The following PCDHGB2 variants were observed in gnomAD, a reference collection of about 807,000 sequenced individuals.
PCDHGB2 encodes protocadherin gamma-B2.
A neutral mutation model predicts 59.3 loss-of-function variants in PCDHGB2; 55 were observed. The ratio of observed to expected loss-of-function variants is 0.93; its 90% confidence interval spans 0.75 to 1.16. The LOEUF (loss-of-function observed/expected upper bound fraction) is 1.16. Among genes scored for constraint, PCDHGB2 ranks in the 50% most tolerant of loss-of-function variants. The pLI, the probability that PCDHGB2 is intolerant of heterozygous loss-of-function variation, is 0.00. For missense variants in PCDHGB2, 1,228 were observed against 1,198.5 expected, an observed-to-expected ratio of 1.02 and a Z score of -0.36; for synonymous variants, 516 against 512.0, an observed-to-expected ratio of 1.01 and a Z score of -0.11.
At chr5:141,367,154 T>A (rs1764978094) in intron 1 of PCDHGB2, 1 of 162,130 alleles carries the variant, frequency 6.2e-6, no homozygotes, top group African/African-American at 2.4e-5. Flanking sequence ...ATAGGACTGA[T>A]ATTTTAGTCT....
chr5:141,490,030 C>G lies in PCDHGB2; in HGVS notation c.2422-4777C>G, dbSNP rs1361758608. The G allele has an allele frequency of 1.2e-6, 2 of 1,614,150 alleles. No individual in the cohort carries two copies. Among genetic ancestry groups the G allele is most frequent in the African/African-American group, 2.7e-5 (2 of 74,936 alleles). The stretch of plus-strand genomic sequence containing the variant: ...ACCCATTGGTACTCTGCTGCTCCGC[C>G]TCAATGCCACTGATCCAGACGAGGG... On this transcript the variant is annotated intron_variant, in intron 1 of 3. Coordinates refer to ENST00000522605, the MANE Select transcript of PCDHGB2 (RefSeq NM_018923.3). This position sits in a 1 kb window ranked among gnomAD's most constrained non-coding sequence, Gnocchi z 5.4.
chr5:141,410,826 G>T, intron 1 of PCDHGB2: 4 of 379,152 alleles, frequency 1.1e-5, no homozygotes, highest in Non-Finnish European at 9.0e-6. Flanking sequence ...AATGTCACCA[G>T]ACTGAAGATA....
rs750920407 is a variant in PCDHGB2 at position 141,361,795 on chromosome 5, G to A, written c.1660G>A (p.Asp554Asn). The change falls in exon 1 of 4, where the codon GAC becomes AAC. Residue 554 changes from aspartate to asparagine, a missense_variant. Physicochemically the swap from Asp to Asn is conservative, Grantham distance 23. Transcript: ENST00000522605. Reference sequence around the variant, plus strand: ...CGTGAGCCTGCGCGTGTTAGTGGGCGACCTCAATGACAATGCGCCACGGGT... The same window carrying A: ...CGTGAGCCTGCGCGTGTTAGTGGGCAACCTCAATGACAATGCGCCACGGGT... Reference protein sequence around the residue: ...ANVSLRVLVGDLNDNAPRVLY... With the variant: ...ANVSLRVLVGNLNDNAPRVLY... 2 of 1,613,220 alleles carry A rather than the reference G, an allele frequency of 1.2e-6. No homozygotes were observed. The highest frequency in any genetic ancestry group is 2.2e-5 in the East Asian group (1 of 44,876).
chr5:141,364,612 G>C (rs1260914671), intron 1 of PCDHGB2: 7 of 1,614,178 alleles, frequency 4.3e-6, no homozygotes, highest in Non-Finnish European at 5.9e-6. Context: ...ACCGGGAGGA[G>C]CTCTGCGCTC....
At chr5:141,442,837 A>C (rs2098346617) in intron 1 of PCDHGB2, among the ~76,000 whole-genome samples, 1 of 152,202 alleles carries the variant, frequency 6.6e-6, no homozygotes, top group South Asian at 2.1e-4. Flanking sequence ...GGGAGGGACA[A>C]ATCTTGGCCA....
chr5:141,371,310 G>T, intron 1 of PCDHGB2: 2 of 1,613,992 alleles, frequency 1.2e-6, no homozygotes, highest in Non-Finnish European at 1.7e-6. Flanking sequence ...CACTATTGGA[G>T]AACTGGACTT....
intron 1 of PCDHGB2, chr5:141,393,048 C>A (rs745354934): frequency 3.7e-6 from 6 of 1,613,672 alleles, no homozygotes; most frequent in Non-Finnish European, 5.1e-6. Flanking sequence ...TGCTCTGAAC[C>A]CGCGCAGCGG....
chr5:141,487,529 A>G lies in PCDHGB2; in HGVS notation c.2422-7278A>G, dbSNP rs772843725. ...TGCACCCACTCGGAGTGATAGCTTCATGATGGTGAAGTCACCCAGTGCACC... is the reference window on the plus strand; with the variant it reads ...TGCACCCACTCGGAGTGATAGCTTCGTGATGGTGAAGTCACCCAGTGCACC... On this transcript the variant is annotated intron_variant, in intron 1 of 3. Coordinates refer to ENST00000522605, the MANE Select transcript of PCDHGB2 (RefSeq NM_018923.3). The surrounding 1 kb of genome is among the most constrained non-coding windows in gnomAD (Gnocchi z 5.0). The G allele has an allele frequency of 2.0e-5, 32 of 1,614,168 alleles. No individual in the cohort carries two copies. Among genetic ancestry groups the G allele is most frequent in the Non-Finnish European group, 2.5e-5 (29 of 1,180,040 alleles).
intron 1 of PCDHGB2, chr5:141,404,926 C>CA (rs765817542): frequency 1.2e-6 from 2 of 1,613,884 alleles, no homozygotes; most frequent in Non-Finnish European, 1.7e-6. Context: ...CGGCCACTGT[C>CA]ACGCTCACAG....
At chr5:141,383,712 G>A (rs895145051) in intron 1 of PCDHGB2, 2 of 1,613,970 alleles carry the variant, frequency 1.2e-6, no homozygotes, top group African/African-American at 2.7e-5. Flanking sequence ...ACCTGGACGA[G>A]GGAGTCAATG....
chr5:141,362,234 C>T lies in PCDHGB2; in HGVS notation c.2099C>T (p.Ser700Leu). The T allele has an allele frequency of 6.2e-7, 1 of 1,614,040 alleles. No individual in the cohort carries two copies. The highest frequency in any genetic ancestry group is 8.5e-7 in the Non-Finnish European group (1 of 1,179,908). ...FYLVVALALI[S>L]VLFFLAVILA... ...CTGGTTGTGGCCTTGGCCTTGATCT[C>T]AGTGCTCTTCTTCCTCGCGGTGATT... Residue 700 changes from serine to leucine, a missense_variant, in exon 1 of 4, where the codon TCA becomes TTA. By Grantham distance (145) the Ser-to-Leu change is moderately radical (BLOSUM62 -2). Coordinates refer to ENST00000522605, the MANE Select transcript of PCDHGB2 (RefSeq NM_018923.3).
intron 1 of PCDHGB2, chr5:141,373,808 A>C (rs1769864521): frequency 5.8e-6 from 2 of 342,678 alleles, no homozygotes; most frequent in South Asian, 1.1e-4. Flanking sequence ...TCTGTGTGAT[A>C]GTTTCACAAA....
At position 141,490,370 on chromosome 5, in the gene PCDHGB2, G is replaced by A. The variant is rs768474199; in HGVS notation, c.2422-4437G>A. Reference sequence around the variant, plus strand: ...GTGGGGTTGTTTAATGTGCGAGACCGGGACTCAGGTAGAAATGGTGAAGTG... The same window carrying A: ...GTGGGGTTGTTTAATGTGCGAGACCAGGACTCAGGTAGAAATGGTGAAGTG... On this transcript the variant is annotated intron_variant, in intron 1 of 3. Coordinates refer to ENST00000522605, the MANE Select transcript of PCDHGB2 (RefSeq NM_018923.3). The surrounding 1 kb of genome is among the most constrained non-coding windows in gnomAD (Gnocchi z 5.4). 32 of 1,614,054 alleles carry A rather than the reference G, an allele frequency of 2.0e-5. No homozygotes were observed. The highest frequency in any genetic ancestry group is 1.0e-4 in the Admixed American group (6 of 60,006).
chr5:141,485,421 C>G lies in PCDHGB2; in HGVS notation c.2422-9386C>G. The G allele has an allele frequency of 6.2e-7, 1 of 1,614,112 alleles. No individual in the cohort carries two copies. The highest frequency in any genetic ancestry group is 1.1e-5 in the South Asian group (1 of 91,080). ...TTCCGTGTGGATTTGGACAGCGGAG[C>G]CCTGCTCATCAAGAACCCAATCGAC... On this transcript the variant is annotated intron_variant, in intron 1 of 3. Transcript: ENST00000522605. This position sits in a 1 kb window ranked among gnomAD's most constrained non-coding sequence, Gnocchi z 5.7.
chr5:141,365,362 C>T, intron 1 of PCDHGB2: 1 of 1,613,900 alleles, frequency 6.2e-7, no homozygotes, highest in East Asian at 2.2e-5. Flanking sequence ...ATGACAATGC[C>T]CCCGAAGTGA....
chr5:141,399,538 T>G, intron 1 of PCDHGB2: 1 of 1,614,048 alleles, frequency 6.2e-7, no homozygotes, highest in Non-Finnish European at 8.5e-7. Context: ...CGCGCAAGTC[T>G]GCGCCTCGGA....
At chr5:141,427,266 G>A (rs753905641) in intron 1 of PCDHGB2, 15 of 456,620 alleles carry the variant, frequency 3.3e-5, no homozygotes, top group Non-Finnish European at 5.7e-5. Context: ...CATGACCAGC[G>A]AATGTAAAAT....
Position 141,490,693 on chromosome 5 carries a change from G to A in PCDHGB2, c.2422-4114G>A. On this transcript the variant is annotated intron_variant, in intron 1 of 3. Coordinates refer to ENST00000522605, the MANE Select transcript of PCDHGB2 (RefSeq NM_018923.3). This position sits in a 1 kb window ranked among gnomAD's most constrained non-coding sequence, Gnocchi z 5.4. ...GGCTGCCTCAGATCCAGACACTGGGGATAATGCCCGCCTCACCTACTCCAT... is the reference window on the plus strand; with the variant it reads ...GGCTGCCTCAGATCCAGACACTGGGAATAATGCCCGCCTCACCTACTCCAT... 1.9e-6 allele frequency: 3 copies of A among 1,614,170 alleles called. No homozygotes were observed. Among genetic ancestry groups the A allele is most frequent in the Non-Finnish European group, 2.5e-6 (3 of 1,180,018 alleles).
At chr5:141,403,159 A>G (rs778714191) in intron 1 of PCDHGB2, 2 of 1,614,002 alleles carry the variant, frequency 1.2e-6, no homozygotes, top group East Asian at 4.5e-5. Context: ...TCGTCTCTAG[A>G]GGTAGGACGC....
Sources: gnomAD v4.1 joint callset for allele counts (sites outside exome capture counted in the v4.1 genomes callset) on GRCh38, gnomAD v4.1.1 for gene constraint, Gnocchi (gnomAD v3.1) non-coding constraint, MANE v1.5 for transcripts, NCBI Gene and HGNC (gene_info 2026-07-23, HGNC 2026-07-21) for gene names.